The following PTPN9 variants were observed in gnomAD, a reference collection of about 807,000 sequenced individuals.
The protein encoded by PTPN9 is tyrosine-protein phosphatase non-receptor type 9.
PTPN9 carries 26 observed loss-of-function variants against 69.8 expected under a neutral mutation model. That is an observed-to-expected ratio of 0.37 (90% CI 0.27 to 0.52). The LOEUF (loss-of-function observed/expected upper bound fraction) is 0.52, where lower values mean the gene tolerates loss of function less well. PTPN9 is among the 20% of genes least tolerant of loss of function. The pLI, the probability that PTPN9 is intolerant of heterozygous loss-of-function variation, is 0.91. For synonymous variants in PTPN9, 274 were observed against 272.5 expected (o/e 1.01, Z -0.05); for missense variants, 549 against 740.3 (o/e 0.74, Z 3.00).
chr15:75,501,461 TTTC>T (rs1401393571), intron 7 of PTPN9, among the ~76,000 whole-genome samples: 1 of 149,954 alleles, frequency 6.7e-6, no homozygotes, highest in African/African-American at 2.5e-5. Flanking sequence ...CTTTTCTTTC[TTTC>T]TTTTTTTTTT....
intron 1 of PTPN9, among the ~76,000 whole-genome samples, chr15:75,558,038 T>C (rs2075084966): frequency 6.6e-6 from 1 of 151,874 alleles, no homozygotes; most frequent in Admixed American, 6.6e-5. Context: ...GTACTAAAAA[T>C]ACAAAAATTG....
At chr15:75,561,406 C>A (rs2075103516) in intron 1 of PTPN9, among the ~76,000 whole-genome samples, 1 of 150,874 alleles carries the variant, frequency 6.6e-6, no homozygotes, top group African/African-American at 2.4e-5. Flanking sequence ...GAAAAAAAAT[C>A]TAGCTTAAAA....
At position 75,467,398 on chromosome 15, in the gene PTPN9, T is replaced by A. The variant is rs1334705965; in HGVS notation, c.*1371A>T. The A allele has an allele frequency of 1.3e-5, 2 of 152,552 alleles. No homozygotes were observed. The highest frequency in any genetic ancestry group is 4.8e-5 in the African/African-American group (2 of 41,416). The allele number at this position is 152,552 out of a possible 1,614,324, so 9.4% of individuals were successfully genotyped here. A position where few individuals can be genotyped will look rare whatever the true frequency, so the allele number is the denominator to read the frequency against. The stretch of plus-strand genomic sequence containing the variant: ...GGGAATGTGGAGTGCTGAGGACTCT[T>A]GATTTATCCCTAGCACATAAGGATG... On this transcript the variant is annotated 3_prime_UTR_variant, in exon 13 of 13. Coordinates refer to ENST00000618819, the MANE Select transcript of PTPN9 (RefSeq NM_002833.4).
intron 6 of PTPN9, among the ~76,000 whole-genome samples, chr15:75,507,445 G>T (rs1177951757): frequency 2.4e-5 from 2 of 82,636 alleles, no homozygotes; most frequent in Non-Finnish European, 4.1e-5. Flanking sequence ...AAACTCTGTC[G>T]CAAAAAAAAA....
At chr15:75,500,362 CACACACACAT>C (rs1567484633) in intron 7 of PTPN9, among the ~76,000 whole-genome samples, 2 of 150,652 alleles carry the variant, frequency 1.3e-5, no homozygotes, top group Non-Finnish European at 3.0e-5. Flanking sequence ...CACACACACA[CACACACACAT>C]ATATATACAC....
At chr15:75,526,984 CCTGGA>C in intron 2 of PTPN9, 129 bp downstream of exon 2, 1 of 1,144,434 alleles carries the variant, frequency 8.7e-7, no homozygotes, top group Non-Finnish European at 1.2e-6. Context: ...CACAAGGGCT[CCTGGA>C]TATGGATCCA....
chr15:75,469,709 A>C lies in PTPN9; in HGVS notation c.1567+83T>G, dbSNP rs185224105. The C allele has an allele frequency of 9.7e-5, 141 of 1,451,222 alleles. No individual in the cohort carries two copies. In the East Asian group the frequency reaches 1.5e-3, roughly 15 times the overall value. The allele number at this position is 1,451,222 out of a possible 1,614,324, so 89.9% of individuals were successfully genotyped here. A position where few individuals can be genotyped will look rare whatever the true frequency, so the allele number is the denominator to read the frequency against. On this transcript the variant is annotated intron_variant, in intron 12 of 12. Transcript: ENST00000618819. Reference sequence around the variant, plus strand: ...GAGCAAGTGAGTTCCTTCTCCAATCACAGATGTGGGCTAAGAGCTTTGTTT... The same window carrying C: ...GAGCAAGTGAGTTCCTTCTCCAATCCCAGATGTGGGCTAAGAGCTTTGTTT...
intron 8 of PTPN9, among the ~76,000 whole-genome samples, chr15:75,482,799 C>CA (rs1477468144): frequency 1.4e-5 from 2 of 147,588 alleles, no homozygotes. Flanking sequence ...AAAAAAAATA[C>CA]AAAAAAATAG....
intron 4 of PTPN9, among the ~76,000 whole-genome samples, chr15:75,522,276 T>C (rs1483001121): frequency 1.3e-5 from 2 of 152,240 alleles, no homozygotes; most frequent in African/African-American, 4.8e-5. Context: ...TGACCTGAGC[T>C]GGTTCTTTAT....
At chr15:75,539,670 C>T (rs1016755892) in intron 1 of PTPN9, among the ~76,000 whole-genome samples, 26 of 151,552 alleles carry the variant, frequency 1.7e-4, no homozygotes, top group African/African-American at 6.3e-4. Context: ...AATATGTGAA[C>T]TTTTTTATTG....
At chr15:75,539,459 G>A (rs998551812) in intron 1 of PTPN9, among the ~76,000 whole-genome samples, 14 of 150,048 alleles carry the variant, frequency 9.3e-5, no homozygotes, top group African/African-American at 2.7e-4. Flanking sequence ...GATTACAGGC[G>A]TACCTGCCTA....
intron 7 of PTPN9, among the ~76,000 whole-genome samples, chr15:75,504,565 G>A (rs1478037593): frequency 2.2e-5 from 3 of 138,534 alleles, no homozygotes; most frequent in East Asian, 2.3e-4. Context: ...GGTGAGGGGC[G>A]CCTCTGCCCT....
chr15:75,514,391 CA>C (rs1260691718), intron 5 of PTPN9, among the ~76,000 whole-genome samples: 1 of 152,106 alleles, frequency 6.6e-6, no homozygotes, highest in Non-Finnish European at 1.5e-5. Context: ...CCAGCCTAGG[CA>C]CCATGGTGAA....
intron 9 of PTPN9, among the ~76,000 whole-genome samples, chr15:75,475,872 C>T (rs183047647): frequency 2.4e-4 from 36 of 152,274 alleles, no homozygotes; most frequent in Non-Finnish European, 4.7e-4. Context: ...GGTGCAGTGG[C>T]GCACGCCTGT....
chr15:75,493,409 AAG>A (rs1400404432), intron 7 of PTPN9, among the ~76,000 whole-genome samples: 1 of 152,106 alleles, frequency 6.6e-6, no homozygotes, highest in Non-Finnish European at 1.5e-5. Flanking sequence ...GACGAGATAA[AAG>A]AGAAAGTTGA....
intron 9 of PTPN9, among the ~76,000 whole-genome samples, chr15:75,478,136 G>A (rs1340164937): frequency 1.3e-5 from 2 of 150,728 alleles, no homozygotes; most frequent in Non-Finnish European, 2.9e-5. Flanking sequence ...ACCACGCCTG[G>A]CCGATCCTCT....
At chr15:75,538,770 T>C (rs762884754) in intron 1 of PTPN9, among the ~76,000 whole-genome samples, 6 of 152,070 alleles carry the variant, frequency 3.9e-5, no homozygotes, top group Admixed American at 1.3e-4. Flanking sequence ...ATGAAACAAG[T>C]AATATGACTA....
At chr15:75,492,205 C>T (rs2074714894) in intron 7 of PTPN9, among the ~76,000 whole-genome samples, 1 of 152,116 alleles carries the variant, frequency 6.6e-6, no homozygotes, top group African/African-American at 2.4e-5. Flanking sequence ...AGGTTGATAA[C>T]ACATATTGAC....
At chr15:75,510,071 CT>C (rs980974503) in intron 5 of PTPN9, among the ~76,000 whole-genome samples, 11 of 152,180 alleles carry the variant, frequency 7.2e-5, no homozygotes, top group Non-Finnish European at 1.3e-4. Context: ...TATGCATAAT[CT>C]TTTTTTAATC....
Sources: gnomAD v4.1 joint callset for allele counts (sites outside exome capture counted in the v4.1 genomes callset) on GRCh38, gnomAD v4.1.1 for gene constraint, MANE v1.5 for transcripts, NCBI Gene and HGNC (gene_info 2026-07-23, HGNC 2026-07-21) for gene names.